The following ABHD16B variants were observed in gnomAD, a reference collection of about 807,000 sequenced individuals.
ABHD16B encodes abhydrolase domain-containing protein 16B.
ABHD16B carries 14 observed loss-of-function variants against 10.5 expected under a neutral mutation model. The observed-to-expected ratio is 1.33, with a 90% CI of 0.88 to 2.08. The LOEUF is 2.08. ABHD16B is among the 30% of genes most tolerant of loss of function. The probability of loss-of-function intolerance (pLI) is 0.00; values close to 1 mark genes in which losing one functional copy is unlikely to be tolerated. For synonymous variants in ABHD16B, 374 were observed against 337.9 expected (o/e 1.11, Z -1.17); for missense variants, 763 against 717.4 (o/e 1.06, Z -0.73).
In ABHD16B at chr20:63,861,836, G is replaced by C; in HGVS notation, c.296G>C (p.Ser99Thr). The change falls in exon 1 of 1, where the codon AGC (serine) becomes ACC (threonine). Residue 99 changes from serine to threonine, a missense_variant. Ser to Thr is a moderately conservative substitution (Grantham distance 58, BLOSUM62 1). Transcript: ENST00000369916. The surrounding 1 kb of genome is among the most constrained non-coding windows in gnomAD (Gnocchi z 5.4). ...QLRELPGQLASYALAHSLGRW... is the reference protein window; with the variant it reads ...QLRELPGQLATYALAHSLGRW... ...CGCGAGCTGCCCGGCCAGCTCGCTAGCTACGCGCTGGCCCACTCGCTGGGC... is the reference window on the plus strand; with the variant it reads ...CGCGAGCTGCCCGGCCAGCTCGCTACCTACGCGCTGGCCCACTCGCTGGGC... 6.5e-7 allele frequency: 1 copy of C among 1,533,510 alleles called. No individual in the cohort carries two copies. Among genetic ancestry groups the C allele is most frequent in the Non-Finnish European group, 8.7e-7 (1 of 1,146,110 alleles). The allele number at this position is 1,533,510 out of a possible 1,614,324, so 95.0% of individuals were successfully genotyped here. A position where few individuals can be genotyped will look rare whatever the true frequency, so the allele number is the denominator to read the frequency against.
In ABHD16B at chr20:63,862,779, G is replaced by A. The variant is rs776109715; in HGVS notation, c.1239G>A (p.Glu413=). Residue 413 remains glutamate (E), a synonymous_variant, in exon 1 of 1, where the codon GAG becomes GAA. Transcript: ENST00000369916. This position sits in a 1 kb window ranked among gnomAD's most constrained non-coding sequence, Gnocchi z 7.5. ...ARCEEELEGE[E]ALGPHGPAFP... is the part of the protein sequence containing the mutation. The stretch of plus-strand genomic sequence containing the variant: ...GCGAAGAGGAGCTGGAGGGCGAGGA[G>A]GCCCTGGGGCCACACGGACCCGCCT... 14 of 1,531,250 alleles carry A rather than the reference G, an allele frequency of 9.1e-6. No individual in the cohort carries two copies. Among genetic ancestry groups the A allele is most frequent in the Admixed American group, 2.0e-5 (1 of 50,050 alleles). The allele number at this position is 1,531,250 out of a possible 1,614,324, so 94.9% of individuals were successfully genotyped here.
chr20:63,861,524 C>CTA lies in ABHD16B; in HGVS notation c.-17_-16insTA. ...CGGCGATCCCGGCCCAGCGGCTGGG[C>CTA]GTTAGGGCCACCGCTCATGTGCGTC... On this transcript the variant is annotated 5_prime_UTR_variant, in exon 1 of 1. Transcript: ENST00000369916. The surrounding 1 kb of genome is among the most constrained non-coding windows in gnomAD (Gnocchi z 5.4). 1 of 1,541,080 alleles carries CTA rather than the reference C, an allele frequency of 6.5e-7. No individual in the cohort carries two copies. The highest frequency in any genetic ancestry group is 8.7e-7 in the Non-Finnish European group (1 of 1,146,694).
chr20:63,862,817 T>TGGGCCA lies in ABHD16B; in HGVS notation c.1283_1288dup (p.Gln428_Gly429dup). 6.5e-7 allele frequency: 1 copy of TGGGCCA among 1,535,112 alleles called. No homozygotes were observed. The highest frequency in any genetic ancestry group is 8.7e-7 in the Non-Finnish European group (1 of 1,145,334). On this transcript the variant is annotated inframe_insertion, in exon 1 of 1. Coordinates refer to ENST00000369916, the MANE Select transcript of ABHD16B (RefSeq NM_080622.4). The surrounding 1 kb of genome is among the most constrained non-coding windows in gnomAD (Gnocchi z 7.5). ...CACGGACCCGCCTTCCCATGGCTGG[T>TGGGCCA]GGGCCAGGGCCTGAGCTCGCGGCGG...
rs2052100586 is a variant in ABHD16B at position 63,862,581 on chromosome 20, G to C, written c.1041G>C (p.Leu347=). Residue 347 remains leucine (L), a synonymous_variant, in exon 1 of 1, where the codon CTG becomes CTC. Coordinates refer to ENST00000369916, the MANE Select transcript of ABHD16B (RefSeq NM_080622.4). The surrounding 1 kb of genome is among the most constrained non-coding windows in gnomAD (Gnocchi z 7.5). Reference sequence around the variant, plus strand: ...TGGAGGGCAACCGGGGCAATGAGCTGCTGCTGCGCCTGCTGGAGCACCGCT... The same window carrying C: ...TGGAGGGCAACCGGGGCAATGAGCTCCTGCTGCGCCTGCTGGAGCACCGCT... ...GDVEGNRGNE[L]LLRLLEHRYP... 2.6e-6 allele frequency: 4 copies of C among 1,564,518 alleles called. No homozygotes were observed. Among genetic ancestry groups the C allele is most frequent in the African/African-American group, 1.3e-5 (1 of 74,238 alleles).
In ABHD16B at chr20:63,862,338, G is replaced by T; in HGVS notation, c.798G>T (p.Leu266=). The T allele has an allele frequency of 6.2e-7, 1 of 1,612,272 alleles. No individual in the cohort carries two copies. The highest frequency in any genetic ancestry group is 8.5e-7 in the Non-Finnish European group (1 of 1,179,704). The change falls in exon 1 of 1, where the codon CTG becomes CTT. Residue 266 remains leucine (L), a synonymous_variant. Coordinates refer to ENST00000369916, the MANE Select transcript of ABHD16B (RefSeq NM_080622.4). This position sits in a 1 kb window ranked among gnomAD's most constrained non-coding sequence, Gnocchi z 7.5. Reference sequence around the variant, plus strand: ...TGACCTACCCGGAGCTGGGTGCACTGGTGCTGGACGCCACCTTCGACGACC... The same window carrying T: ...TGACCTACCCGGAGCTGGGTGCACTTGTGCTGGACGCCACCTTCGACGACC... The part of the protein sequence containing the change: ...ATMTYPELGA[L]VLDATFDDLV...
Position 63,862,022 on chromosome 20 carries a change from G to C in ABHD16B, c.482G>C (p.Arg161Pro), listed in dbSNP as rs1360890833. 1.2e-6 allele frequency: 2 copies of C among 1,607,088 alleles called. No homozygotes were observed. The highest frequency in any genetic ancestry group is 1.7e-6 in the Non-Finnish European group (2 of 1,179,358). Reference protein sequence around the residue: ...NEIDTMFMDRRQHPGSHVHGP... With the variant: ...NEIDTMFMDRPQHPGSHVHGP... ...ATCGACACTATGTTCATGGACCGCC[G>C]CCAGCACCCGGGCAGCCACGTGCAC... The change falls in exon 1 of 1, where the codon CGC becomes CCC. Residue 161 changes from arginine to proline, a missense_variant. Arg to Pro is a moderately radical substitution (Grantham distance 103). Transcript: ENST00000369916. The surrounding 1 kb of genome is among the most constrained non-coding windows in gnomAD (Gnocchi z 7.5).
chr20:63,862,380 G>T lies in ABHD16B; in HGVS notation c.840G>T (p.Leu280=), dbSNP rs200630434. The T allele has an allele frequency of 5.0e-6, 8 of 1,606,624 alleles. No individual in the cohort carries two copies. The highest frequency in any genetic ancestry group is 6.8e-6 in the Non-Finnish European group (8 of 1,177,510). The stretch of plus-strand genomic sequence containing the variant: ...TCGACGACCTTGTGCCGCTGGCGCT[G>T]AAGGTCATGCCCCACAGTTGGAAGG... ...ATFDDLVPLA[L]KVMPHSWKGL... is the part of the protein sequence containing the mutation. Residue 280 remains leucine, a synonymous_variant, in exon 1 of 1, where the codon CTG becomes CTT. Coordinates refer to ENST00000369916, the MANE Select transcript of ABHD16B (RefSeq NM_080622.4). The surrounding 1 kb of genome is among the most constrained non-coding windows in gnomAD (Gnocchi z 7.5).
rs1275244969 is a variant in ABHD16B at position 63,861,843 on chromosome 20, G to A, written c.303G>A (p.Ala101=). Residue 101 remains alanine (A), a synonymous_variant, in exon 1 of 1, where the codon GCG becomes GCA. Coordinates refer to ENST00000369916, the MANE Select transcript of ABHD16B (RefSeq NM_080622.4). The surrounding 1 kb of genome is among the most constrained non-coding windows in gnomAD (Gnocchi z 5.4). ...TGCCCGGCCAGCTCGCTAGCTACGCGCTGGCCCACTCGCTGGGCCGCTGGC... is the reference window on the plus strand; with the variant it reads ...TGCCCGGCCAGCTCGCTAGCTACGCACTGGCCCACTCGCTGGGCCGCTGGC... ...RELPGQLASY[A]LAHSLGRWLV... 6.5e-6 allele frequency: 10 copies of A among 1,546,724 alleles called. No homozygotes were observed. The highest frequency in any genetic ancestry group is 2.6e-6 in the Non-Finnish European group (3 of 1,152,914).
rs1408906601 is a variant in ABHD16B, at chr20:63,861,966, C to G, written c.426C>G (p.Arg142=). 1 of 1,599,078 alleles carries G rather than the reference C, an allele frequency of 6.3e-7. No homozygotes were observed. The highest frequency in any genetic ancestry group is 8.5e-7 in the Non-Finnish European group (1 of 1,178,586). The change falls in exon 1 of 1, where the codon CGC becomes CGG. Residue 142 remains arginine, a synonymous_variant. Transcript: ENST00000369916. This position sits in a 1 kb window ranked among gnomAD's most constrained non-coding sequence, Gnocchi z 5.4. ...TCGTGGAGCGCTACCACGGCCGGCG[C>G]GCCAAGCTGGTGGCCTGTGACGGCA... ...ERLVERYHGR[R]AKLVACDGNE...
At position 63,862,556 on chromosome 20, in the gene ABHD16B, T is replaced by C; in HGVS notation, c.1016T>C (p.Val339Ala). The C allele has an allele frequency of 1.9e-6, 3 of 1,572,502 alleles. No individual in the cohort carries two copies. The highest frequency in any genetic ancestry group is 2.6e-6 in the Non-Finnish European group (3 of 1,164,626). ...CTGCGCCCCCTGTCACCTGGTGACG[T>C]GGAGGGCAACCGGGGCAATGAGCTG... ...GRLRPLSPGDVEGNRGNELLL... is the reference protein window; with the variant it reads ...GRLRPLSPGDAEGNRGNELLL... The change falls in exon 1 of 1, where the codon GTG (valine) becomes GCG (alanine). Residue 339 changes from valine (V) to alanine (A), a missense_variant. Transcript: ENST00000369916. This position sits in a 1 kb window ranked among gnomAD's most constrained non-coding sequence, Gnocchi z 7.5.
In ABHD16B at chr20:63,861,938, G is replaced by A. The variant is rs925948129; in HGVS notation, c.398G>A (p.Arg133His). 5 of 1,595,068 alleles carry A rather than the reference G, an allele frequency of 3.1e-6. No individual in the cohort carries two copies. Among genetic ancestry groups the A allele is most frequent in the Non-Finnish European group, 4.2e-6 (5 of 1,177,036 alleles). Reference sequence around the variant, plus strand: ...CCGCTGCTGCAGCAGGGCCAAGAGCGCCTCGTGGAGCGCTACCACGGCCGG... The same window carrying A: ...CCGCTGCTGCAGCAGGGCCAAGAGCACCTCGTGGAGCGCTACCACGGCCGG... ...LLPLLQQGQERLVERYHGRRA... is the reference protein window; with the variant it reads ...LLPLLQQGQEHLVERYHGRRA... Residue 133 changes from arginine (R) to histidine (H), a missense_variant, in exon 1 of 1, where the codon CGC (arginine) becomes CAC (histidine). Coordinates refer to ENST00000369916, the MANE Select transcript of ABHD16B (RefSeq NM_080622.4). The surrounding 1 kb of genome is among the most constrained non-coding windows in gnomAD (Gnocchi z 5.4).
At position 63,861,744 on chromosome 20, in the gene ABHD16B, C is replaced by T. The variant is rs2052084162; in HGVS notation, c.204C>T (p.Gly68=). The T allele has an allele frequency of 3.5e-6, 5 of 1,412,538 alleles. No homozygotes were observed. Among genetic ancestry groups the T allele is most frequent in the South Asian group, 1.5e-5 (1 of 67,406 alleles). 87.5% of individuals were successfully genotyped at this position (1,412,538 alleles called of 1,614,324 possible). A position where few individuals can be genotyped will look rare whatever the true frequency, so the allele number is the denominator to read the frequency against. The part of the protein sequence containing the change: ...GVWLLRDETL[G]GDALGRPPRG... ...GGTTGCTGCGGGACGAGACGCTGGG[C>T]GGGGATGCGCTGGGGCGGCCTCCAC... Residue 68 remains glycine, a synonymous_variant, in exon 1 of 1, where the codon GGC becomes GGT. Coordinates refer to ENST00000369916, the MANE Select transcript of ABHD16B (RefSeq NM_080622.4). The surrounding 1 kb of genome is among the most constrained non-coding windows in gnomAD (Gnocchi z 5.4).
Position 63,861,847 on chromosome 20 carries a change from G to A in ABHD16B, c.307G>A (p.Ala103Thr), listed in dbSNP as rs756488643. The A allele has an allele frequency of 6.5e-7, 1 of 1,550,160 alleles. No homozygotes were observed. Among genetic ancestry groups the A allele is most frequent in the Non-Finnish European group, 8.7e-7 (1 of 1,154,704 alleles). The part of the protein sequence containing the change: ...LPGQLASYAL[A>T]HSLGRWLVYP... ...CGGCCAGCTCGCTAGCTACGCGCTGGCCCACTCGCTGGGCCGCTGGCTCGT... is the reference window on the plus strand; with the variant it reads ...CGGCCAGCTCGCTAGCTACGCGCTGACCCACTCGCTGGGCCGCTGGCTCGT... The change falls in exon 1 of 1, where the codon GCC becomes ACC. Residue 103 changes from alanine (A) to threonine (T), a missense_variant. By Grantham distance (58) the Ala-to-Thr change is moderately conservative. Coordinates refer to ENST00000369916, the MANE Select transcript of ABHD16B (RefSeq NM_080622.4). The surrounding 1 kb of genome is among the most constrained non-coding windows in gnomAD (Gnocchi z 5.4).
At position 63,862,979 on chromosome 20, in the gene ABHD16B, C is replaced by T; in HGVS notation, c.*29C>T. The T allele has an allele frequency of 7.7e-7, 1 of 1,301,044 alleles. No homozygotes were observed. Among genetic ancestry groups the T allele is most frequent in the South Asian group, 1.6e-5 (1 of 62,328 alleles). The allele number at this position is 1,301,044 out of a possible 1,614,324, so 80.6% of individuals were successfully genotyped here. Reference sequence around the variant, plus strand: ...ATATGCCCCAGTGGGGGATCACGCACTTGAACTCCTGGCCTTCTTGGTTCA... The same window carrying T: ...ATATGCCCCAGTGGGGGATCACGCATTTGAACTCCTGGCCTTCTTGGTTCA... On this transcript the variant is annotated 3_prime_UTR_variant, in exon 1 of 1. Coordinates refer to ENST00000369916, the MANE Select transcript of ABHD16B (RefSeq NM_080622.4). This position sits in a 1 kb window ranked among gnomAD's most constrained non-coding sequence, Gnocchi z 7.5.
At position 63,861,715 on chromosome 20, in the gene ABHD16B, G is replaced by A. The variant is rs1331453689; in HGVS notation, c.175G>A (p.Val59Met). Reference sequence around the variant, plus strand: ...GACCTGCGCGGCAGCCGCGGCGGGCGTGTGGTTGCTGCGGGACGAGACGCT... The same window carrying A: ...GACCTGCGCGGCAGCCGCGGCGGGCATGTGGTTGCTGCGGGACGAGACGCT... ...ALTCAAAAAG[V>M]WLLRDETLGG... Residue 59 changes from valine (V) to methionine (M), a missense_variant, in exon 1 of 1, where the codon GTG becomes ATG. Coordinates refer to ENST00000369916, the MANE Select transcript of ABHD16B (RefSeq NM_080622.4). This position sits in a 1 kb window ranked among gnomAD's most constrained non-coding sequence, Gnocchi z 5.4. The A allele has an allele frequency of 4.9e-5, 71 of 1,451,862 alleles. No homozygotes were observed. The highest frequency in any genetic ancestry group is 6.4e-5 in the Non-Finnish European group (71 of 1,111,458). The allele number at this position is 1,451,862 out of a possible 1,614,324, so 89.9% of individuals were successfully genotyped here.
Position 63,861,937 on chromosome 20 carries a change from C to T in ABHD16B, c.397C>T (p.Arg133Cys), listed in dbSNP as rs199604302. The change falls in exon 1 of 1, where the codon CGC becomes TGC. Residue 133 changes from arginine to cysteine, a missense_variant. Arg to Cys is a radical substitution (Grantham distance 180). Transcript: ENST00000369916. The surrounding 1 kb of genome is among the most constrained non-coding windows in gnomAD (Gnocchi z 5.4). ...LLPLLQQGQE[R>C]LVERYHGRRA... ...GCCGCTGCTGCAGCAGGGCCAAGAGCGCCTCGTGGAGCGCTACCACGGCCG... is the reference window on the plus strand; with the variant it reads ...GCCGCTGCTGCAGCAGGGCCAAGAGTGCCTCGTGGAGCGCTACCACGGCCG... 32 of 1,590,694 alleles carry T rather than the reference C, an allele frequency of 2.0e-5. No homozygotes were observed. The highest frequency in any genetic ancestry group is 6.7e-5 in the Admixed American group (4 of 59,434).
chr20:63,862,278 G>GTC lies in ABHD16B; in HGVS notation c.740_741dup (p.Val248LeufsTer12). ...CCGCGCACCTGGTGGTCTACGGCTG[G>GTC]TCTGTTGGCGGCTTCACGGCCACCT... On this transcript the variant is annotated frameshift_variant, in exon 1 of 1. Transcript: ENST00000369916. LOFTEE classifies it low-confidence loss of function (END_TRUNC). This position sits in a 1 kb window ranked among gnomAD's most constrained non-coding sequence, Gnocchi z 7.5. 1 of 1,611,694 alleles carries GTC rather than the reference G, an allele frequency of 6.2e-7. No homozygotes were observed.
Position 63,862,600 on chromosome 20 carries a change from C to T in ABHD16B, c.1060C>T (p.His354Tyr), listed in dbSNP as rs1238408181. The change falls in exon 1 of 1, where the codon CAC (histidine) becomes TAC (tyrosine). Residue 354 changes from histidine (H) to tyrosine (Y), a missense_variant. Physicochemically the swap from His to Tyr is moderately conservative, Grantham distance 83. Coordinates refer to ENST00000369916, the MANE Select transcript of ABHD16B (RefSeq NM_080622.4). The surrounding 1 kb of genome is among the most constrained non-coding windows in gnomAD (Gnocchi z 7.5). ...TGAGCTGCTGCTGCGCCTGCTGGAG[C>T]ACCGCTACCCCGTCGTGATGGCGCG... ...GNELLLRLLE[H>Y]RYPVVMAREG... 2 of 1,556,220 alleles carry T rather than the reference C, an allele frequency of 1.3e-6. No individual in the cohort carries two copies. The highest frequency in any genetic ancestry group is 1.2e-5 in the South Asian group (1 of 85,736).
In ABHD16B at chr20:63,862,842, G is replaced by T. The variant is rs1445920262; in HGVS notation, c.1302G>T (p.Arg434=). The change falls in exon 1 of 1, where the codon CGG becomes CGT. Residue 434 remains arginine (R), a synonymous_variant. Coordinates refer to ENST00000369916, the MANE Select transcript of ABHD16B (RefSeq NM_080622.4). The surrounding 1 kb of genome is among the most constrained non-coding windows in gnomAD (Gnocchi z 7.5). ...TGGGCCAGGGCCTGAGCTCGCGGCG[G>T]CGCCGGCGCCTCGCACTGTTCCTGG... ...WLVGQGLSSR[R]RRRLALFLAR... The T allele has an allele frequency of 6.5e-7, 1 of 1,535,714 alleles. No individual in the cohort carries two copies. Among genetic ancestry groups the T allele is most frequent in the African/African-American group, 1.4e-5 (1 of 73,030 alleles).
Sources: gnomAD v4.1 joint callset for allele counts on GRCh38, gnomAD v4.1.1 for gene constraint, Gnocchi (gnomAD v3.1) non-coding constraint, MANE v1.5 for transcripts, NCBI Gene and HGNC (gene_info 2026-07-23, HGNC 2026-07-21) for gene names.